Variants in DENND5B observed in about 807,000 individuals in gnomAD.
DENND5B encodes DENN domain-containing protein 5B.
In DENND5B, 34 loss-of-function variants were observed where a neutral mutation model predicts 140.6. The observed-to-expected ratio is 0.24, with a 90% CI of 0.18 to 0.32. The LOEUF (loss-of-function observed/expected upper bound fraction) is 0.32, where lower values mean the gene tolerates loss of function less well. DENND5B is among the 10% of genes least tolerant of loss of function. The probability of loss-of-function intolerance (pLI) is 1.00; values close to 1 mark genes in which losing one functional copy is unlikely to be tolerated. For missense variants in DENND5B, 1,142 were observed against 1,560.2 expected, an observed-to-expected ratio of 0.73 and a Z score of 4.52; for synonymous variants, 551 against 562.1, an observed-to-expected ratio of 0.98 and a Z score of 0.28.
Position 31,543,274 on chromosome 12 carries a change from T to C in DENND5B, c.128-47355A>G, listed in dbSNP as rs776545206. Among the ~76,000 whole-genome samples the C allele has an allele frequency of 7.9e-5, 12 of 152,174 alleles. 1 individual carries two copies. In the South Asian group the frequency reaches 1.9e-3, roughly 24 times the overall value. On this transcript the variant is annotated intron_variant, in intron 1 of 20. Coordinates refer to ENST00000389082, the MANE Select transcript of DENND5B (RefSeq NM_144973.4). The stretch of plus-strand genomic sequence containing the variant: ...GCAAAACTGCTACGTAGAGTTTCCA[T>C]ATGTTTTGTAACAGAAAATGTTAGG...
At chr12:31,527,554 C>T (rs1046969268) in intron 1 of DENND5B, among the ~76,000 whole-genome samples, 3 of 152,106 alleles carry the variant, frequency 2.0e-5, no homozygotes, top group Non-Finnish European at 2.9e-5. Flanking sequence ...CCGAGGCGGG[C>T]GGATCATGAG....
intron 7 of DENND5B, among the ~76,000 whole-genome samples, chr12:31,437,320 G>T (rs1469129431): frequency 1.3e-5 from 2 of 152,098 alleles, no homozygotes; most frequent in East Asian, 3.9e-4. Flanking sequence ...ATTTTTAGTA[G>T]AGACGGGGTT....
chr12:31,517,888 T>C (rs1260676904), intron 1 of DENND5B, among the ~76,000 whole-genome samples: 2 of 152,192 alleles, frequency 1.3e-5, no homozygotes, highest in African/African-American at 4.8e-5. Flanking sequence ...TACTGTGCCT[T>C]TCTGCCTCAC....
chr12:31,404,674 G>A (rs971770063), intron 14 of DENND5B, among the ~76,000 whole-genome samples: 2 of 150,950 alleles, frequency 1.3e-5, no homozygotes, highest in Non-Finnish European at 2.9e-5. Context: ...GGCTGGTCTC[G>A]AACTCCTGAA....
intron 1 of DENND5B, among the ~76,000 whole-genome samples, chr12:31,531,776 T>C (rs959841640): frequency 7.2e-5 from 11 of 152,150 alleles, no homozygotes; most frequent in Non-Finnish European, 1.5e-4. Flanking sequence ...ACTTCCTTGA[T>C]CCGCCCAGCA....
chr12:31,486,296 A>AT (rs2138626076), intron 2 of DENND5B, among the ~76,000 whole-genome samples: 1 of 152,350 alleles, frequency 6.6e-6, no homozygotes, highest in East Asian at 1.9e-4. Flanking sequence ...GGAGTACACA[A>AT]TAACAAAGTA....
At position 31,488,411 on chromosome 12, in the gene DENND5B, A is replaced by C. The variant is rs183841009; in HGVS notation, c.237+7399T>G. 1.3e-3 allele frequency among the ~76,000 whole-genome samples: 205 copies of C among 152,340 alleles called. 1 individual carries two copies. The highest frequency in any genetic ancestry group is 2.4e-3 in the Non-Finnish European group (161 of 68,028). ...CAAAATCATAGCTCAACTGCTGTTG[A>C]ACAGCTGCCAAATATTCCCTTAAGG... On this transcript the variant is annotated intron_variant, in intron 2 of 20. Transcript: ENST00000389082.
intron 1 of DENND5B, among the ~76,000 whole-genome samples, chr12:31,561,680 T>C (rs1416626081): frequency 2.6e-5 from 4 of 152,162 alleles, no homozygotes; most frequent in East Asian, 3.8e-4. Context: ...ATAGAAAACA[T>C]TGCCATTTCC....
In DENND5B at chr12:31,556,350, T is replaced by C. The variant is rs79917413; in HGVS notation, c.127+34356A>G. Among the ~76,000 whole-genome samples, 308 of 152,252 alleles carry C rather than the reference T, an allele frequency of 2.0e-3. 3 individuals carry two copies. The East Asian group carries it at 0.037, about 18-fold the overall frequency. On this transcript the variant is annotated intron_variant, in intron 1 of 20. Transcript: ENST00000389082. ...CCAAGTAGCTGGGACTCCAGGCACC[T>C]GCCACCATGCCCAGCTAATTTTTGT...
chr12:31,480,186 T>C lies in DENND5B; in HGVS notation c.307A>G (p.Ile103Val). 5 of 1,603,192 alleles carry C rather than the reference T, an allele frequency of 3.1e-6. No homozygotes were observed. Among genetic ancestry groups the C allele is most frequent in the Non-Finnish European group, 4.3e-6 (5 of 1,174,758 alleles). ...CGAGAACCATCTTCCCTGGTAATTATAAATGAGTGAAACTGGGGGTCTTTA... is the reference window on the plus strand; with the variant it reads ...CGAGAACCATCTTCCCTGGTAATTACAAATGAGTGAAACTGGGGGTCTTTA... ...DNKDPQFHSF[I>V]ITREDGSRTY... The change falls in exon 3 of 21, where the codon ATA becomes GTA. Residue 103 changes from isoleucine (I) to valine (V), a missense_variant. By Grantham distance (29) the Ile-to-Val change is conservative. Transcript: ENST00000389082.
chr12:31,583,224 G>A (rs574820670), intron 1 of DENND5B, among the ~76,000 whole-genome samples: 40 of 151,320 alleles, frequency 2.6e-4, no homozygotes, highest in East Asian at 1.6e-3. Flanking sequence ...CCCGGGAGGC[G>A]GAGATTGCAG....
At position 31,420,053 on chromosome 12, in the gene DENND5B, C is replaced by T. The variant is rs1409881832; in HGVS notation, c.2470+3544G>A. ...GGAAGGGCTCTACACCTACCCCCTG[C>T]CAAAATCCATTTCCAGTTTAGTAGA... On this transcript the variant is annotated intron_variant, in intron 11 of 20. Coordinates refer to ENST00000389082, the MANE Select transcript of DENND5B (RefSeq NM_144973.4). 5 of 984,612 alleles carry T rather than the reference C, an allele frequency of 5.1e-6. No homozygotes were observed. The African/African-American group carries it at 8.8e-5, about 17-fold the overall frequency. 61.0% of individuals were successfully genotyped at this position (984,612 alleles called of 1,614,324 possible). A position where few individuals can be genotyped will look rare whatever the true frequency, so the allele number is the denominator to read the frequency against.
intron 11 of DENND5B, among the ~76,000 whole-genome samples, chr12:31,419,578 TAC>T (rs1942924624): frequency 6.6e-6 from 1 of 152,228 alleles, no homozygotes; most frequent in Admixed American, 6.5e-5. Flanking sequence ...CAGTACCATG[TAC>T]AGTCTATAGG....
At chr12:31,527,348 A>G (rs142274682) in intron 1 of DENND5B, among the ~76,000 whole-genome samples, 165 of 152,294 alleles carry the variant, frequency 1.1e-3, no homozygotes, top group African/African-American at 3.5e-3. Flanking sequence ...AGAGCAAGAC[A>G]AAAGCAATAT....
intron 19 of DENND5B, 58 bp from the exon 20 acceptor site, chr12:31,389,556 G>T: frequency 6.8e-7 from 1 of 1,461,588 alleles, no homozygotes; most frequent in Non-Finnish European, 9.3e-7. Context: ...TATATAGAAA[G>T]ATTCATCACT....
chr12:31,498,129 A>G (rs1323487990), intron 1 of DENND5B, among the ~76,000 whole-genome samples: 1 of 152,186 alleles, frequency 6.6e-6, no homozygotes, highest in Non-Finnish European at 1.5e-5. Context: ...CATGATAGCC[A>G]TCAAGAAACC....
intron 2 of DENND5B, among the ~76,000 whole-genome samples, chr12:31,495,375 A>ATTTCTTTTCT (rs1946715936): frequency 4.2e-5 from 2 of 47,820 alleles, no homozygotes; most frequent in African/African-American, 2.3e-4. Context: ...AGAGTATCAC[A>ATTTCTTTTCT]TTTCTTTTTT....
At chr12:31,427,809 T>C (rs1347333959) in intron 8 of DENND5B, among the ~76,000 whole-genome samples, 1 of 152,070 alleles carries the variant, frequency 6.6e-6, no homozygotes, top group Non-Finnish European at 1.5e-5. Flanking sequence ...CACGGGCACA[T>C]ATGTGAAATC....
chr12:31,539,778 G>T (rs1412168518), intron 1 of DENND5B, among the ~76,000 whole-genome samples: 1 of 151,354 alleles, frequency 6.6e-6, no homozygotes, highest in Non-Finnish European at 1.5e-5. Flanking sequence ...GTATCATACT[G>T]ATGAGGAAAA....
Sources: gnomAD v4.1 joint callset for allele counts (sites outside exome capture counted in the v4.1 genomes callset) on GRCh38, gnomAD v4.1.1 for gene constraint, MANE v1.5 for transcripts, NCBI Gene and HGNC (gene_info 2026-07-23, HGNC 2026-07-21) for gene names.